GCA: variants seen among roughly 807,000 people sequenced by gnomAD.
GCA encodes grancalcin.
A neutral mutation model predicts 32.6 loss-of-function variants in GCA; 30 were observed. That is an observed-to-expected ratio of 0.92 (90% confidence interval 0.69 to 1.25). The LOEUF (loss-of-function observed/expected upper bound fraction) is 1.25. Among genes scored for constraint, GCA ranks in the 50% most tolerant of loss-of-function variants. The pLI is 0.00. For missense variants in GCA, 291 were observed against 266.8 expected (o/e 1.09, Z -0.63); for synonymous variants, 102 against 84.6 (o/e 1.21, Z -1.13).
At chr2:162,357,881 T>G (rs987740321) in intron 5 of GCA, among the ~76,000 whole-genome samples, 2 of 151,668 alleles carry the variant, frequency 1.3e-5, no homozygotes, top group African/African-American at 4.8e-5. Context: ...GATCTTCATG[T>G]ATATTTTAAA....
chr2:162,341,453 T>C (rs543144283), upstream of GCA, among the ~76,000 whole-genome samples: 1 of 151,918 alleles, frequency 6.6e-6, no homozygotes, highest in East Asian at 1.9e-4. Context: ...GTTTACATTT[T>C]ACTGGTAAAT....
At chr2:162,353,143 G>A (rs1685083891) in intron 3 of GCA, among the ~76,000 whole-genome samples, 1 of 151,796 alleles carries the variant, frequency 6.6e-6, no homozygotes, top group East Asian at 1.9e-4. Flanking sequence ...TCTTATTTTA[G>A]TGAAATGTAT....
chr2:162,359,598 T>G lies in GCA; in HGVS notation c.627+46T>G, dbSNP rs542140055. On this transcript the variant is annotated intron_variant, in intron 7 of 7. Transcript: ENST00000437150. ...ATTTATACTGCATTCTAGATAGTTC[T>G]CAGTTAGTAAAAAAATTTAAGTGAT... 4.2e-6 allele frequency: 4 copies of G among 954,194 alleles called. No individual in the cohort carries two copies. The Admixed American group carries it at 8.8e-5, about 21-fold the overall frequency. 59.1% of individuals were successfully genotyped at this position (954,194 alleles called of 1,614,324 possible).
chr2:162,359,319 G>A (rs1047593298), intron 6 of GCA, 162 bp downstream of exon 6: 2 of 609,822 alleles, frequency 3.3e-6, no homozygotes, highest in Non-Finnish European at 5.8e-6. Context: ...GAATATAAAT[G>A]ATAAAAACGT....
intron 1 of GCA, among the ~76,000 whole-genome samples, chr2:162,326,119 G>A (rs960215822): frequency 1.2e-4 from 19 of 152,132 alleles, no homozygotes; most frequent in African/African-American, 4.3e-4. Context: ...TGCTGGGCTT[G>A]CCCCTTGCAG....
At chr2:162,327,486 C>G (rs1374914937) in intron 1 of GCA, among the ~76,000 whole-genome samples, 1 of 152,140 alleles carries the variant, frequency 6.6e-6, no homozygotes, top group Non-Finnish European at 1.5e-5. Context: ...TTATCTTTCC[C>G]ATCCTTCCCC....
At chr2:162,333,612 T>C (rs1050995415) in intron 1 of GCA, among the ~76,000 whole-genome samples, 1 of 152,150 alleles carries the variant, frequency 6.6e-6, no homozygotes, top group Non-Finnish European at 1.5e-5. Flanking sequence ...ATTCATACTA[T>C]GTGAGAGATT....
chr2:162,332,319 A>C, intron 1 of GCA, among the ~76,000 whole-genome samples: 1 of 136,918 alleles, frequency 7.3e-6, no homozygotes, highest in East Asian at 2.0e-4. Flanking sequence ...AAAAAAAAAA[A>C]AAAATATATA....
downstream of GCA, among the ~76,000 whole-genome samples, chr2:162,363,968 G>C (rs1685674107): frequency 6.6e-6 from 1 of 151,402 alleles, no homozygotes; most frequent in Admixed American, 6.6e-5. Flanking sequence ...TTCCCTATGT[G>C]CTAATTATGT....
At chr2:162,341,969 A>G (rs188864040), upstream of GCA, among the ~76,000 whole-genome samples, 58 of 152,350 alleles carry the variant, frequency 3.8e-4, no homozygotes, top group African/African-American at 1.3e-3. Flanking sequence ...TATTCACTCT[A>G]TAACTATTTT....
chr2:162,347,284 T>TTACTTCA (rs2105313696), intron 1 of GCA, among the ~76,000 whole-genome samples: 1 of 152,316 alleles, frequency 6.6e-6, no homozygotes, highest in Admixed American at 6.5e-5. Flanking sequence ...TCAGTGATGT[T>TTACTTCA]GGTAAACATT....
Position 162,347,581 on chromosome 2 carries a change from G to C in GCA, c.31G>C (p.Gly11Arg). The change falls in exon 2 of 8, where the codon GGA becomes CGA. Residue 11 changes from glycine to arginine, a missense_variant. Transcript: ENST00000437150. MAYPGYGGGFGNFSIQVPGMQ... is the reference protein window; with the variant it reads MAYPGYGGGFRNFSIQVPGMQ... ...TTCTCCCCTTTCACTATTATAGTTT[G>C]GAAATTTTAGCATTCAGGTGCCAGG... 6.3e-7 allele frequency: 1 copy of C among 1,599,768 alleles called. No individual in the cohort carries two copies. Among genetic ancestry groups the C allele is most frequent in the Non-Finnish European group, 8.5e-7 (1 of 1,170,340 alleles).
rs1290418945 is a variant in GCA at position 162,363,038 on chromosome 2, TA to T, written c.*2797del. 6.6e-6 allele frequency among the ~76,000 whole-genome samples: 1 copy of T among 151,494 alleles called. No individual in the cohort carries two copies. The highest frequency in any genetic ancestry group is 2.4e-5 in the African/African-American group (1 of 41,376). ...AAAAATCAATTTGTGATTATTTCTT[TA>T]AGTAAAATATAAGACATTAAGTTTG... On this transcript the variant is annotated 3_prime_UTR_variant, in exon 8 of 8. Coordinates refer to ENST00000437150, the MANE Select transcript of GCA (RefSeq NM_012198.5).
At chr2:162,334,772 G>GTACTTGCTTGCATCGA (rs1184791409) in intron 1 of GCA, among the ~76,000 whole-genome samples, 1 of 136,110 alleles carries the variant, frequency 7.3e-6, no homozygotes, top group Non-Finnish European at 1.6e-5. Flanking sequence ...GCACACAGGA[G>GTACTTGCTTGCATCGA]GTACTCGATG....
intron 1 of GCA, among the ~76,000 whole-genome samples, chr2:162,332,954 G>A (rs1282324776): frequency 5.3e-5 from 8 of 152,050 alleles, no homozygotes; most frequent in African/African-American, 1.9e-4. Context: ...TTCATATTTT[G>A]TGATTATGCA....
chr2:162,327,696 T>C (rs1457804094), intron 1 of GCA, among the ~76,000 whole-genome samples: 2 of 152,138 alleles, frequency 1.3e-5, no homozygotes, highest in Non-Finnish European at 2.9e-5. Context: ...CCCTGAGCCA[T>C]GCATGCCTGT....
intron 1 of GCA, 125 bp from the exon 2 acceptor site, chr2:162,347,453 T>A: frequency 2.0e-6 from 1 of 511,316 alleles, no homozygotes; most frequent in East Asian, 3.2e-5. Context: ...ATTTTTGTGA[T>A]AAGATTATAA....
rs1438668993 is a variant in GCA at position 162,361,790 on chromosome 2, CAG to C, written c.*1549_*1550del. ...TAACTGAGCTGGGAAATTAAAGAAA[CAG>C]AATTCTAATTAGAAGTGTTGTAGGA... On this transcript the variant is annotated 3_prime_UTR_variant, in exon 8 of 8. Transcript: ENST00000437150. The C allele has an allele frequency of 2.1e-5, 21 of 983,990 alleles. No individual in the cohort carries two copies. Among genetic ancestry groups the C allele is most frequent in the African/African-American group, 7.0e-5 (4 of 57,098 alleles). 61.0% of individuals were successfully genotyped at this position (983,990 alleles called of 1,614,324 possible).
intron 2 of GCA, among the ~76,000 whole-genome samples, 162 bp downstream of exon 2, chr2:162,347,904 T>C (rs1173562905): frequency 6.6e-6 from 1 of 152,198 alleles, no homozygotes; most frequent in Non-Finnish European, 1.5e-5. Flanking sequence ...GTCATAATTA[T>C]TTCATTTTAA....
Sources: allele counts gnomAD v4.1 joint callset (sites outside exome capture counted in the v4.1 genomes callset), GRCh38; gene constraint gnomAD v4.1.1; transcripts MANE v1.5; gene names NCBI Gene and HGNC (gene_info 2026-07-23, HGNC 2026-07-21).